DPY19L1: variants seen among roughly 807,000 people sequenced by gnomAD.
The protein encoded by DPY19L1 is dpy-19 like C-mannosyltransferase 1, also known as protein C-mannosyl-transferase DPY19L1.
A neutral mutation model predicts 96.9 loss-of-function variants in DPY19L1; 35 were observed. The observed-to-expected ratio is 0.36, with a 90% confidence interval of 0.28 to 0.48. DPY19L1 has a LOEUF of 0.48. Among genes scored for constraint, DPY19L1 ranks in the 20% least tolerant of loss-of-function variants. DPY19L1 has a pLI of 0.99. For missense variants in DPY19L1, 521 were observed against 777.9 expected, an observed-to-expected ratio of 0.67 and a Z score of 3.93; for synonymous variants, 205 against 252.6, an observed-to-expected ratio of 0.81 and a Z score of 1.79.
At chr7:34,934,357 G>T (rs1176797772) in intron 21 of DPY19L1, among the ~76,000 whole-genome samples, 1 of 152,140 alleles carries the variant, frequency 6.6e-6, no homozygotes, top group African/African-American at 2.4e-5. Context: ...ACTGTATACT[G>T]AACAATAAAA....
intron 1 of DPY19L1, among the ~76,000 whole-genome samples, chr7:35,020,859 C>A (rs1785979345): frequency 6.6e-6 from 1 of 152,042 alleles, no homozygotes; most frequent in Admixed American, 6.6e-5. Context: ...CAGGTAAATG[C>A]CACCATGCCT....
intron 14 of DPY19L1, among the ~76,000 whole-genome samples, chr7:34,949,554 A>G (rs1382303177): frequency 1.3e-5 from 2 of 152,190 alleles, no homozygotes; most frequent in African/African-American, 4.8e-5. Flanking sequence ...CTCTGTGTTT[A>G]CTCACCTAGA....
chr7:35,022,664 C>A (rs1020928023), intron 1 of DPY19L1, among the ~76,000 whole-genome samples: 1 of 152,214 alleles, frequency 6.6e-6, no homozygotes, highest in Non-Finnish European at 1.5e-5. Flanking sequence ...GCTGAGCACG[C>A]TCAAGTGTTT....
intron 2 of DPY19L1, 73 bp from the exon 3 acceptor site, chr7:35,018,042 CA>C: frequency 8.9e-7 from 1 of 1,124,514 alleles, no homozygotes. Context: ...AAGCTAAAAG[CA>C]AAAATAAAAG....
intron 6 of DPY19L1, among the ~76,000 whole-genome samples, chr7:35,004,983 G>A (rs1785517790): frequency 6.6e-6 from 1 of 152,164 alleles, no homozygotes; most frequent in Admixed American, 6.5e-5. Context: ...ACTTGTTCTA[G>A]AATGGAATCA....
At chr7:34,983,777 G>A (rs1784990899) in intron 7 of DPY19L1, among the ~76,000 whole-genome samples, 1 of 152,022 alleles carries the variant, frequency 6.6e-6, no homozygotes, top group Admixed American at 6.6e-5. Flanking sequence ...AAGAAGAAGA[G>A]AGGAAGAATG....
chr7:34,949,692 A>G (rs1784229483), intron 14 of DPY19L1, 105 bp downstream of exon 14: 2 of 719,264 alleles, frequency 2.8e-6, no homozygotes, highest in African/African-American at 1.9e-5. Context: ...CTTTTCCTTC[A>G]AACTGAGATA....
Position 34,992,902 on chromosome 7 carries a change from T to G in DPY19L1, c.765-2961A>C, listed in dbSNP as rs1435170266. 3.9e-5 allele frequency among the ~76,000 whole-genome samples: 6 copies of G among 152,314 alleles called. No individual in the cohort carries two copies. In the East Asian group the frequency reaches 7.7e-4, roughly 20 times the overall value. ...ATGTGCCAACCTGTATGAATAATGT[T>G]GTATTCCTGCTAAAAATGTCTCTGC... On this transcript the variant is annotated intron_variant, in intron 6 of 21. Coordinates refer to ENST00000638088, the MANE Select transcript of DPY19L1 (RefSeq NM_001366673.1).
At chr7:35,029,357 T>C (rs1786206278) in intron 1 of DPY19L1, among the ~76,000 whole-genome samples, 1 of 152,178 alleles carries the variant, frequency 6.6e-6, no homozygotes. Flanking sequence ...AGGGAAGCTG[T>C]AAAACTTTAG....
intron 10 of DPY19L1, 116 bp downstream of exon 10, chr7:34,966,775 GAAC>G (rs1293288495): frequency 8.2e-6 from 8 of 981,548 alleles, no homozygotes; most frequent in African/African-American, 3.5e-5. Context: ...CACAATGTTT[GAAC>G]AACATTTGTT....
At chr7:35,009,828 G>A (rs981262542) in intron 6 of DPY19L1, among the ~76,000 whole-genome samples, 19 of 151,908 alleles carry the variant, frequency 1.3e-4, no homozygotes, top group African/African-American at 3.4e-4. Flanking sequence ...GCACACACAC[G>A]TATACACGTA....
At chr7:35,018,270 T>G (rs1290138077) in intron 2 of DPY19L1, among the ~76,000 whole-genome samples, 1 of 152,178 alleles carries the variant, frequency 6.6e-6, no homozygotes, top group African/African-American at 2.4e-5. Flanking sequence ...TAGAAACATC[T>G]AATGAAATTC....
At chr7:35,006,127 T>G (rs1418092559) in intron 6 of DPY19L1, among the ~76,000 whole-genome samples, 1 of 152,230 alleles carries the variant, frequency 6.6e-6, no homozygotes, top group Admixed American at 6.5e-5. Flanking sequence ...TTATAAACCC[T>G]GTTATTGTTT....
chr7:34,973,156 T>C (rs761132261), intron 8 of DPY19L1, among the ~76,000 whole-genome samples: 23 of 152,222 alleles, frequency 1.5e-4, no homozygotes, highest in African/African-American at 5.3e-4. Context: ...CCCCAAAGGA[T>C]TGTATCTTAC....
intron 10 of DPY19L1, among the ~76,000 whole-genome samples, chr7:34,960,066 A>G (rs1312651659): frequency 1.3e-5 from 2 of 150,658 alleles, no homozygotes; most frequent in African/African-American, 4.9e-5. Flanking sequence ...TAGCAAATTT[A>G]TCTTTCATTT....
At chr7:35,005,067 C>T (rs1268294505) in intron 6 of DPY19L1, among the ~76,000 whole-genome samples, 4 of 152,142 alleles carry the variant, frequency 2.6e-5, no homozygotes, top group Non-Finnish European at 5.9e-5. Context: ...TGGGAAAGAA[C>T]TCAGAGTCTA....
rs573944264 is a variant in DPY19L1, at chr7:34,996,060, G to A, written c.765-6119C>T. On this transcript the variant is annotated intron_variant, in intron 6 of 21. Transcript: ENST00000638088. The stretch of plus-strand genomic sequence containing the variant: ...CTGTTTCAAGCAAGTGATTAACGCC[G>A]TTAATTTAACTCTCTATCTGCCGAT... 7.2e-4 allele frequency among the ~76,000 whole-genome samples: 109 copies of A among 152,274 alleles called. 1 individual carries two copies. The highest frequency in any genetic ancestry group is 1.5e-3 in the Admixed American group (23 of 15,300).
chr7:34,973,484 C>CA (rs747294150), intron 8 of DPY19L1, 30 bp downstream of exon 8: 2 of 1,360,792 alleles, frequency 1.5e-6, no homozygotes, highest in Non-Finnish European at 9.7e-7. Context: ...TTATTTAATG[C>CA]AAAAAGAAAT....
intron 7 of DPY19L1, among the ~76,000 whole-genome samples, chr7:34,979,682 T>C (rs1417369549): frequency 6.6e-6 from 1 of 152,130 alleles, no homozygotes; most frequent in South Asian, 2.1e-4. Context: ...CAGTGAGATA[T>C]ATCAAAAGGG....
Sources: allele counts gnomAD v4.1 joint callset (sites outside exome capture counted in the v4.1 genomes callset), GRCh38; gene constraint gnomAD v4.1.1; transcripts MANE v1.5; gene names NCBI Gene and HGNC (gene_info 2026-07-23, HGNC 2026-07-21).